The following MBTPS2 variants were observed in gnomAD, a reference collection of about 807,000 sequenced individuals.
The protein encoded by MBTPS2 is membrane bound transcription factor peptidase, site 2.
Under a neutral mutation model 35.4 loss-of-function variants are expected in MBTPS2, and 2 were observed. That is an observed-to-expected ratio of 0.06 (90% CI 0.02 to 0.18). MBTPS2 has a LOEUF of 0.18. Ranked by LOEUF, MBTPS2 falls within the 10% of genes least tolerant of loss-of-function variation. MBTPS2 has a pLI of 1.00. For missense variants in MBTPS2, 244 were observed against 386.5 expected, an observed-to-expected ratio of 0.63 and a Z score of 3.09; for synonymous variants, 125 against 140.4, an observed-to-expected ratio of 0.89 and a Z score of 0.77.
chrX:21,868,642 G>C lies in MBTPS2; in HGVS notation c.789+57G>C, dbSNP rs747714778. ...ATCAGATGTTGTGATGTAATACCTA[G>C]CATCTATTCAGAAACTTTTATTCAA... On this transcript the variant is annotated intron_variant, in intron 6 of 10. Transcript: ENST00000379484. 1.8e-5 allele frequency: 15 copies of C among 825,890 alleles called. No individual in the cohort carries two copies. In the East Asian group the frequency reaches 3.1e-4, roughly 17 times the overall value. The allele number at this position is 825,890 out of a possible 1,213,427, so 68.1% of individuals were successfully genotyped here. A position where few individuals can be genotyped will look rare whatever the true frequency, so the allele number is the denominator to read the frequency against.
At chrX:21,846,432 G>A (rs145519651) in intron 3 of MBTPS2, among the ~76,000 whole-genome samples, 1,399 of 111,868 alleles carry the variant, frequency 0.013, 23 homozygotes, top group African/African-American at 0.043. Flanking sequence ...GTGCAATGGC[G>A]CGATCTCAGC....
intron 1 of MBTPS2, 120 bp downstream of exon 1, chrX:21,839,929 G>A: frequency 1.5e-6 from 1 of 683,562 alleles, no homozygotes; most frequent in Non-Finnish European, 2.3e-6. Flanking sequence ...GCGACAGTCC[G>A]CGTGGTGGAT....
At chrX:21,857,107 C>T (rs1198963984) in intron 5 of MBTPS2, 3 of 1,211,515 alleles carry the variant, frequency 2.5e-6, no homozygotes, top group Non-Finnish European at 3.4e-6. Context: ...GAAAACCCAC[C>T]TGATTATTCC....
chrX:21,884,592 A>G lies in MBTPS2; in HGVS notation c.*1937A>G, dbSNP rs2092962663. 1.1e-5 allele frequency: 8 copies of G among 754,357 alleles called. No individual in the cohort carries two copies. The highest frequency in any genetic ancestry group is 1.3e-5 in the Non-Finnish European group (8 of 639,245). 62.2% of individuals were successfully genotyped at this position (754,357 alleles called of 1,213,427 possible). ...AGGATTTGGGAACCACTTTACTAGG[A>G]AAGAGCAGATCAGTACCATTTGTAT... On this transcript the variant is annotated 3_prime_UTR_variant, in exon 11 of 11. Coordinates refer to ENST00000379484, the MANE Select transcript of MBTPS2 (RefSeq NM_015884.4).
chrX:21,879,314 T>C (rs757676743), intron 9 of MBTPS2, among the ~76,000 whole-genome samples: 6 of 111,756 alleles, frequency 5.4e-5, no homozygotes, highest in Admixed American at 9.5e-5. Context: ...AGATTCTCAC[T>C]CTGTCGCCCA....
chrX:21,850,457 C>T (rs1217162978), intron 3 of MBTPS2, among the ~76,000 whole-genome samples: 1 of 110,915 alleles, frequency 9.0e-6, no homozygotes, highest in Non-Finnish European at 1.9e-5. Flanking sequence ...TTGAATTTTC[C>T]AGTTTTCTTG....
At position 21,845,362 on chromosome X, in the gene MBTPS2, A is replaced by G. The variant is rs1186093893; in HGVS notation, c.416A>G (p.Asn139Ser). The G allele has an allele frequency of 8.3e-7, 1 of 1,204,233 alleles. No individual in the cohort carries two copies. The highest frequency in any genetic ancestry group is 1.1e-6 in the Non-Finnish European group (1 of 890,169). The part of the protein sequence containing the change: ...SSSSSSSSLH[N>S]EQVLQVVVPG... ...TCTTCTTCCTCTTCCTCGCTTCACA[A>G]TGAACAGGTGTTACAAGTTGTGGTA... Residue 139 changes from asparagine (N) to serine (S), a missense_variant, in exon 3 of 11, where the codon AAT (asparagine) becomes AGT (serine). Coordinates refer to ENST00000379484, the MANE Select transcript of MBTPS2 (RefSeq NM_015884.4).
At chrX:21,841,069 G>A (rs2092902088) in intron 1 of MBTPS2, among the ~76,000 whole-genome samples, 1 of 111,532 alleles carries the variant, frequency 9.0e-6, no homozygotes, top group Admixed American at 9.6e-5. Flanking sequence ...TAGGGAATCC[G>A]AATCTGCATC....
At chrX:21,842,785 T>C (rs1187132717) in intron 1 of MBTPS2, among the ~76,000 whole-genome samples, 1 of 112,077 alleles carries the variant, frequency 8.9e-6, no homozygotes, top group Non-Finnish European at 1.9e-5. Flanking sequence ...TAAGCAGGGG[T>C]CAGCGAACTT....
At position 21,869,550 on chromosome X, in the gene MBTPS2, A is replaced by G. The variant is rs1221474092; in HGVS notation, c.842A>G (p.His281Arg). 2.0e-5 allele frequency: 24 copies of G among 1,210,627 alleles called. No individual in the cohort carries two copies. Among genetic ancestry groups the G allele is most frequent in the Non-Finnish European group, 2.7e-5 (24 of 894,429 alleles). The change falls in exon 7 of 11, where the codon CAT (histidine) becomes CGT (arginine). Residue 281 changes from histidine to arginine, a missense_variant. Physicochemically the swap from His to Arg is conservative, Grantham distance 29 (BLOSUM62 0). Coordinates refer to ENST00000379484, the MANE Select transcript of MBTPS2 (RefSeq NM_015884.4). The stretch of plus-strand genomic sequence containing the variant: ...CTTTTTGTGGGAGACCTTGTCACCC[A>G]TCTACAGGATTGTCCTGTTACTAAT... ...RGLFVGDLVT[H>R]LQDCPVTNVQ...
intron 7 of MBTPS2, chrX:21,872,978 C>T (rs1362107220): frequency 9.0e-6 from 1 of 110,569 alleles, no homozygotes; most frequent in Non-Finnish European, 1.9e-5. Flanking sequence ...ACAGAGTGTC[C>T]AATGATCCAA....
chrX:21,846,127 A>C (rs2092908402), intron 3 of MBTPS2, among the ~76,000 whole-genome samples: 2 of 111,213 alleles, frequency 1.8e-5, no homozygotes, highest in African/African-American at 6.5e-5. Context: ...TTTAGAAGTC[A>C]TTTGTAGAGA....
At chrX:21,877,520 G>A (rs894118349) in intron 7 of MBTPS2, among the ~76,000 whole-genome samples, 1 of 111,528 alleles carries the variant, frequency 9.0e-6, no homozygotes, top group African/African-American at 3.3e-5. Flanking sequence ...TGTACAGGCG[G>A]GTATGTGCAC....
intron 5 of MBTPS2, among the ~76,000 whole-genome samples, chrX:21,862,716 C>G (rs1234970034): frequency 9.6e-6 from 1 of 104,136 alleles, no homozygotes. Context: ...GAGGCTGAGG[C>G]GGGAGAATGG....
At chrX:21,878,016 C>G (rs768291320) in intron 7 of MBTPS2, 26 bp from the exon 8 acceptor site, 2 of 993,831 alleles carry the variant, frequency 2.0e-6, no homozygotes, top group Non-Finnish European at 2.9e-6. Context: ...ATAAGAGACT[C>G]TAATAAACAG....
intron 1 of MBTPS2, among the ~76,000 whole-genome samples, chrX:21,840,603 G>C (rs2092901620): frequency 8.9e-6 from 1 of 111,804 alleles, no homozygotes; most frequent in African/African-American, 3.3e-5. Context: ...CTGGGGGGTA[G>C]GGGATGGGGA....
At chrX:21,856,352 AGCTCGCGCCTTTCTCTGCAGCTCG>A (rs2092922083) in intron 5 of MBTPS2, 2 of 611,018 alleles carry the variant, frequency 3.3e-6, no homozygotes, top group Non-Finnish European at 5.1e-6. Flanking sequence ...CTTTCTCTGC[AGCTCGCGCCTTTCTCTGCAGCTCG>A]CCCCTTCCTC....
chrX:21,881,722 G>A (rs2092959572), intron 10 of MBTPS2, among the ~76,000 whole-genome samples: 1 of 111,374 alleles, frequency 9.0e-6, no homozygotes, highest in East Asian at 2.8e-4. Flanking sequence ...GATCACCTGA[G>A]ATCAGGAGTT....
intron 5 of MBTPS2, among the ~76,000 whole-genome samples, chrX:21,867,604 T>A (rs1210212832): frequency 6.8e-5 from 7 of 102,660 alleles, no homozygotes; most frequent in Non-Finnish European, 1.4e-4. Context: ...TTTTAGGGTT[T>A]AAAAAAAAAT....
Sources: gnomAD v4.1 joint callset for allele counts (sites outside exome capture counted in the v4.1 genomes callset) on GRCh38, gnomAD v4.1.1 for gene constraint, MANE v1.5 for transcripts, NCBI Gene and HGNC (gene_info 2026-07-23, HGNC 2026-07-21) for gene names.